Variants in REEP3 observed in about 807,000 individuals in gnomAD.
The protein encoded by REEP3 is receptor expression-enhancing protein 3.
In REEP3, 20 loss-of-function variants were observed where a neutral mutation model predicts 41.3. That is an observed-to-expected ratio of 0.48 (90% CI 0.34 to 0.70). The LOEUF is 0.70. Ranked by LOEUF, REEP3 falls within the 30% of genes least tolerant of loss-of-function variation. The pLI is 0.01. For synonymous variants in REEP3, 104 were observed against 101.8 expected, an observed-to-expected ratio of 1.02 and a Z score of -0.13; for missense variants, 271 against 308.8, an observed-to-expected ratio of 0.88 and a Z score of 0.92.
rs1446709302 is a variant in REEP3 at position 63,521,496 on chromosome 10, A to G, written c.-50A>G. 3 of 1,326,952 alleles carry G rather than the reference A, an allele frequency of 2.3e-6. No individual in the cohort carries two copies. Among genetic ancestry groups the G allele is most frequent in the African/African-American group, 1.5e-5 (1 of 65,108 alleles). The allele number at this position is 1,326,952 out of a possible 1,614,324, so 82.2% of individuals were successfully genotyped here. On this transcript the variant is annotated 5_prime_UTR_variant, in exon 1 of 8. Transcript: ENST00000373758. ...GCCTGCCGTTGGCGGCCTGGTCCGC[A>G]GCGCCCTGCGCCCACCCGCCCCGGA... is the stretch of plus-strand genomic sequence containing the variant.
chr10:63,609,688 G>A (rs1321871566), intron 5 of REEP3, among the ~76,000 whole-genome samples: 3 of 152,118 alleles, frequency 2.0e-5, no homozygotes, highest in Non-Finnish European at 4.4e-5. Flanking sequence ...TTGAACCTGG[G>A]AGGTAGAGGT....
At chr10:63,613,846 T>TA (rs1188343001) in intron 6 of REEP3, among the ~76,000 whole-genome samples, 1 of 152,112 alleles carries the variant, frequency 6.6e-6, no homozygotes. Context: ...GATTTAAGTA[T>TA]AAAAAAATTA....
chr10:63,563,478 A>G (rs552721734), intron 1 of REEP3, among the ~76,000 whole-genome samples: 1 of 152,296 alleles, frequency 6.6e-6, no homozygotes, highest in South Asian at 2.1e-4. Flanking sequence ...ATATGTTCCA[A>G]GATTCCTGGT....
intron 6 of REEP3, among the ~76,000 whole-genome samples, chr10:63,617,662 A>T (rs1201566414): frequency 1.3e-5 from 2 of 151,604 alleles, no homozygotes; most frequent in African/African-American, 2.4e-5. Context: ...GACCTCCCAA[A>T]GTGCTGGCAT....
intron 2 of REEP3, among the ~76,000 whole-genome samples, chr10:63,579,321 A>G (rs1955928209): frequency 6.6e-6 from 1 of 152,130 alleles, no homozygotes; most frequent in Non-Finnish European, 1.5e-5. Context: ...CTGAGCCACC[A>G]CACCGGGCCC....
At chr10:63,568,456 A>T (rs1955821649) in intron 2 of REEP3, among the ~76,000 whole-genome samples, 1 of 151,734 alleles carries the variant, frequency 6.6e-6, no homozygotes, top group African/African-American at 2.4e-5. Context: ...TTTAATACAG[A>T]TGGGGTTTCA....
chr10:63,589,813 G>GTTTTTTTTTTT, intron 2 of REEP3, among the ~76,000 whole-genome samples: 1 of 34,874 alleles, frequency 2.9e-5, no homozygotes, highest in African/African-American at 9.9e-5. Context: ...TTTTTTTTTG[G>GTTTTTTTTTTT]AAACGGAGTC....
chr10:63,548,586 A>ATT (rs1397681318), intron 1 of REEP3, among the ~76,000 whole-genome samples: 4 of 152,166 alleles, frequency 2.6e-5, no homozygotes, highest in Non-Finnish European at 5.9e-5. Flanking sequence ...AGAAGTGCCT[A>ATT]ATGAGAAACT....
At chr10:63,531,833 T>G (rs1449683931) in intron 1 of REEP3, among the ~76,000 whole-genome samples, 1 of 152,222 alleles carries the variant, frequency 6.6e-6, no homozygotes, top group Non-Finnish European at 1.5e-5. Context: ...AATTCACAAG[T>G]ATCTTAGGAT....
intron 2 of REEP3, among the ~76,000 whole-genome samples, chr10:63,584,686 T>C (rs1049864602): frequency 6.6e-6 from 1 of 152,148 alleles, no homozygotes; most frequent in African/African-American, 2.4e-5. Context: ...AGTTAGTGAA[T>C]CGGGAATAGA....
chr10:63,619,968 TG>T (rs1956341430), intron 7 of REEP3, among the ~76,000 whole-genome samples, 168 bp downstream of exon 7: 1 of 151,418 alleles, frequency 6.6e-6, no homozygotes, highest in Non-Finnish European at 1.5e-5. Context: ...AGAGCTTTTT[TG>T]CTTTGTCAAC....
At chr10:63,615,692 G>A (rs751231728) in intron 6 of REEP3, among the ~76,000 whole-genome samples, 1 of 151,846 alleles carries the variant, frequency 6.6e-6, no homozygotes, top group Non-Finnish European at 1.5e-5. Flanking sequence ...TTACAGGCAC[G>A]TGCCACCACA....
chr10:63,616,717 C>G (rs1046188800), intron 6 of REEP3, among the ~76,000 whole-genome samples: 1 of 152,118 alleles, frequency 6.6e-6, no homozygotes, highest in African/African-American at 2.4e-5. Flanking sequence ...ATCACAGTTA[C>G]TTCCTTTCTG....
chr10:63,571,627 A>C (rs1955853034), intron 2 of REEP3, among the ~76,000 whole-genome samples: 1 of 152,196 alleles, frequency 6.6e-6, no homozygotes, highest in African/African-American at 2.4e-5. Context: ...TAGCAACCCT[A>C]ATTTCATCTG....
chr10:63,613,036 G>C (rs1956287775), intron 6 of REEP3, among the ~76,000 whole-genome samples: 1 of 151,414 alleles, frequency 6.6e-6, no homozygotes, highest in African/African-American at 2.4e-5. Context: ...TTTTGAGATG[G>C]AGTCTACCTC....
intron 2 of REEP3, among the ~76,000 whole-genome samples, chr10:63,567,581 A>G (rs1005085160): frequency 1.3e-5 from 2 of 152,212 alleles, no homozygotes; most frequent in African/African-American, 4.8e-5. Flanking sequence ...TTGCTTATCC[A>G]TTCATCTGTT....
chr10:63,621,673 T>G lies in REEP3; in HGVS notation c.*804T>G, dbSNP rs1381925329. On this transcript the variant is annotated 3_prime_UTR_variant, in exon 8 of 8. Coordinates refer to ENST00000373758, the MANE Select transcript of REEP3 (RefSeq NM_001001330.3). The stretch of plus-strand genomic sequence containing the variant: ...AATTATCTTCTTAACAAATAAGAAG[T>G]TGCTTTAAACATTAACCAATTTTCT... 6.6e-6 allele frequency: 1 copy of G among 152,626 alleles called. No individual in the cohort carries two copies. The highest frequency in any genetic ancestry group is 1.5e-5 in the Non-Finnish European group (1 of 68,034). The allele number at this position is 152,626 out of a possible 1,614,324, so 9.5% of individuals were successfully genotyped here. A position where few individuals can be genotyped will look rare whatever the true frequency, so the allele number is the denominator to read the frequency against.
intron 6 of REEP3, among the ~76,000 whole-genome samples, chr10:63,615,330 G>GT (rs1015037638): frequency 2.6e-5 from 4 of 151,492 alleles, no homozygotes; most frequent in Non-Finnish European, 2.9e-5. Context: ...AACAGAAAAT[G>GT]TTTTTTTTGT....
chr10:63,525,332 T>C (rs1443355334), intron 1 of REEP3, among the ~76,000 whole-genome samples: 1 of 152,220 alleles, frequency 6.6e-6, no homozygotes, highest in Admixed American at 6.5e-5. Flanking sequence ...CTTAGCATTC[T>C]GTGATGATAT....
Sources: gnomAD v4.1 joint callset for allele counts (sites outside exome capture counted in the v4.1 genomes callset) on GRCh38, gnomAD v4.1.1 for gene constraint, MANE v1.5 for transcripts, NCBI Gene and HGNC (gene_info 2026-07-23, HGNC 2026-07-21) for gene names.